RIPOR2: variants seen among roughly 807,000 people sequenced by gnomAD.
RIPOR2 encodes the protein RHO family interacting cell polarization regulator 2.
A neutral mutation model predicts 114.5 loss-of-function variants in RIPOR2; 39 were observed. The observed-to-expected ratio is 0.34, with a 90% CI of 0.26 to 0.44. The LOEUF (loss-of-function observed/expected upper bound fraction) is 0.44. Among genes scored for constraint, RIPOR2 ranks in the 20% least tolerant of loss-of-function variants. The probability of loss-of-function intolerance (pLI) is 1.00; values close to 1 mark genes in which losing one functional copy is unlikely to be tolerated. For synonymous variants in RIPOR2, 445 were observed against 484.4 expected (o/e 0.92, Z 1.07); for missense variants, 1,007 against 1,255.1 (o/e 0.80, Z 2.99).
intron 1 of RIPOR2, among the ~76,000 whole-genome samples, chr6:24,910,359 C>G (rs961911645): frequency 6.6e-5 from 10 of 152,180 alleles, no homozygotes; most frequent in African/African-American, 2.4e-4. Context: ...ACCCTTGAGA[C>G]TGCCATCCCA....
rs1760077022 is a variant in RIPOR2 at position 24,825,429 on chromosome 6, C to A, written c.2666-1G>T. Reference sequence around the variant, plus strand: ...GATTGCAGAGTCTGAACCATGGAAACTGGAGGGTAAGAAGGAAGGAGATTT... The same window carrying A: ...GATTGCAGAGTCTGAACCATGGAAAATGGAGGGTAAGAAGGAAGGAGATTT... On this transcript the variant is annotated splice_acceptor_variant, in intron 18 of 21. Coordinates refer to ENST00000643898, the MANE Select transcript of RIPOR2 (RefSeq NM_001286445.3). LOFTEE classifies it high-confidence loss of function. 1 of 1,550,136 alleles carries A rather than the reference C, an allele frequency of 6.5e-7. No homozygotes were observed. Among genetic ancestry groups the A allele is most frequent in the Non-Finnish European group, 8.7e-7 (1 of 1,145,278 alleles).
At chr6:25,035,178 C>T (rs1263549704) in intron 1 of RIPOR2, among the ~76,000 whole-genome samples, 4 of 152,158 alleles carry the variant, frequency 2.6e-5, no homozygotes, top group African/African-American at 7.2e-5. Context: ...GGGGCCCAGC[C>T]GCCTGTTGTC....
At chr6:24,877,454 T>C in intron 1 of RIPOR2, 1 of 611,844 alleles carries the variant, frequency 1.6e-6, no homozygotes, top group Non-Finnish European at 2.0e-6. Context: ...GAGGAGCAGC[T>C]TACATTTTAG....
At chr6:25,000,033 G>T (rs1199034893) in intron 1 of RIPOR2, among the ~76,000 whole-genome samples, 3 of 152,146 alleles carry the variant, frequency 2.0e-5, no homozygotes, top group Admixed American at 2.0e-4. Context: ...CCAATTCCTT[G>T]CCACCCTTCA....
chr6:24,873,869 C>T (rs1765453034), intron 2 of RIPOR2, 70 bp from the exon 3 acceptor site: 1 of 1,283,714 alleles, frequency 7.8e-7, no homozygotes, highest in Non-Finnish European at 1.1e-6. Context: ...AAAATGTCTT[C>T]TATTATTTAC....
intron 1 of RIPOR2, among the ~76,000 whole-genome samples, chr6:24,988,997 A>G (rs1049104496): frequency 6.6e-5 from 10 of 152,176 alleles, no homozygotes; most frequent in African/African-American, 1.9e-4. Context: ...AATATATAAC[A>G]TATTTAGACA....
At chr6:24,976,888 C>T in intron 1 of RIPOR2, 3 of 1,606,984 alleles carry the variant, frequency 1.9e-6, no homozygotes, top group East Asian at 2.2e-5. Flanking sequence ...TGAAAGAAGG[C>T]ATGAATATTG....
At chr6:24,922,528 T>C (rs574440189) in intron 1 of RIPOR2, among the ~76,000 whole-genome samples, 15 of 110,756 alleles carry the variant, frequency 1.4e-4, no homozygotes, top group African/African-American at 4.7e-4. Context: ...ACTTTCCTGT[T>C]TTTTTTTGTA....
At chr6:24,822,735 G>A (rs1001272376) in intron 19 of RIPOR2, among the ~76,000 whole-genome samples, 1 of 152,190 alleles carries the variant, frequency 6.6e-6, no homozygotes, top group Non-Finnish European at 1.5e-5. Context: ...GGCCAGGCTG[G>A]TCTCGAAGTC....
At chr6:24,956,175 TC>T (rs141741304) in intron 1 of RIPOR2, among the ~76,000 whole-genome samples, 4,305 of 152,248 alleles carry the variant, frequency 0.028, 107 homozygotes, top group African/African-American at 0.067. Flanking sequence ...CTTTGTTTTT[TC>T]CACACATGAT....
At chr6:24,954,948 G>A (rs190608756) in intron 1 of RIPOR2, among the ~76,000 whole-genome samples, 10 of 152,230 alleles carry the variant, frequency 6.6e-5, no homozygotes, top group African/African-American at 2.2e-4. Flanking sequence ...GGTATATATG[G>A]ACATGAACAA....
intron 1 of RIPOR2, among the ~76,000 whole-genome samples, chr6:24,882,261 T>C (rs2113931205): frequency 6.6e-6 from 1 of 152,362 alleles, no homozygotes; most frequent in Middle Eastern, 3.4e-3. Context: ...TTAGCAAGCC[T>C]CTCTTCAAAT....
chr6:25,021,651 A>G (rs1581965590), intron 1 of RIPOR2, among the ~76,000 whole-genome samples: 1 of 152,310 alleles, frequency 6.6e-6, no homozygotes, highest in African/African-American at 2.4e-5. Flanking sequence ...AAGGGTGGGA[A>G]GGGGGTGAGG....
In RIPOR2 at chr6:24,832,316, T is replaced by A. The variant is rs1295551353; in HGVS notation, c.2284A>T (p.Met762Leu). The A allele has an allele frequency of 6.4e-7, 1 of 1,551,826 alleles. No homozygotes were observed. Among genetic ancestry groups the A allele is most frequent in the South Asian group, 1.2e-5 (1 of 84,066 alleles). ...TCACTGACAGCTGCGAGTTTCTCCA[T>A]CACTTGGATCTGCCTAGAAAGCTTC... ...LEKLSRQIQV[M>L]EKLAAVSDEN... is the part of the protein sequence containing the mutation. Residue 762 changes from methionine (M) to leucine (L), a missense_variant, in exon 16 of 22, where the codon ATG becomes TTG. Met to Leu is a conservative substitution (Grantham distance 15). Transcript: ENST00000643898.
At chr6:24,879,904 C>G (rs73729063) in intron 1 of RIPOR2, among the ~76,000 whole-genome samples, 2,382 of 152,240 alleles carry the variant, frequency 0.016, 50 homozygotes, top group African/African-American at 0.052. Context: ...AAAACTACCT[C>G]TAAAATTTTT....
At chr6:24,984,761 C>T (rs918378218) in intron 1 of RIPOR2, among the ~76,000 whole-genome samples, 2 of 152,146 alleles carry the variant, frequency 1.3e-5, no homozygotes, top group African/African-American at 4.8e-5. Flanking sequence ...CATGAATTCA[C>T]CCATGATTTA....
intron 1 of RIPOR2, among the ~76,000 whole-genome samples, chr6:24,915,652 C>T (rs1274756514): frequency 2.0e-5 from 3 of 152,176 alleles, no homozygotes; most frequent in Non-Finnish European, 4.4e-5. Flanking sequence ...TGTGAACCAC[C>T]GTGCCTGGCC....
intron 12 of RIPOR2, chr6:24,847,489 A>G: frequency 6.6e-7 from 1 of 1,526,624 alleles, no homozygotes; most frequent in South Asian, 1.2e-5. Flanking sequence ...TAAGTCACAC[A>G]TGCCACAAGC....
chr6:25,024,336 T>C (rs1776497059), intron 1 of RIPOR2: 4 of 1,452,684 alleles, frequency 2.8e-6, no homozygotes, highest in African/African-American at 1.4e-5. Context: ...CAGTGCCTTC[T>C]TCCTGGCTTC....
Sources: allele counts gnomAD v4.1 joint callset (sites outside exome capture counted in the v4.1 genomes callset), GRCh38; gene constraint gnomAD v4.1.1; transcripts MANE v1.5; gene names NCBI Gene and HGNC (gene_info 2026-07-23, HGNC 2026-07-21).